Variants in OPCML observed in about 807,000 individuals in gnomAD.
OPCML encodes opioid binding protein/cell adhesion molecule like, also known as opioid-binding protein/cell adhesion molecule.
In OPCML, 13 loss-of-function variants were observed where a neutral mutation model predicts 37.8. That is an observed-to-expected ratio of 0.34 (90% CI 0.22 to 0.55). The LOEUF is 0.55. Ranked by LOEUF, OPCML falls within the 20% of genes least tolerant of loss-of-function variation. OPCML has a pLI of 0.91. For missense variants in OPCML, 341 were observed against 435.6 expected, an observed-to-expected ratio of 0.78 and a Z score of 1.93; for synonymous variants, 176 against 168.8, an observed-to-expected ratio of 1.04 and a Z score of -0.33.
At chr11:133,323,548 T>C (rs1565571813) in intron 1 of OPCML, among the ~76,000 whole-genome samples, 1 of 152,268 alleles carries the variant, frequency 6.6e-6, no homozygotes, top group East Asian at 1.9e-4. Flanking sequence ...ACAGTTCTTG[T>C]GGGTCATGCT....
intron 1 of OPCML, among the ~76,000 whole-genome samples, chr11:133,256,689 A>G (rs1941320979): frequency 6.6e-6 from 1 of 152,256 alleles, no homozygotes; most frequent in South Asian, 2.1e-4. Flanking sequence ...CTGTCAAAAA[A>G]GTTCCTTTAA....
Position 133,500,472 on chromosome 11 carries a change from A to G in OPCML, c.61+31792T>C, listed in dbSNP as rs752713720. Among the ~76,000 whole-genome samples, 53 of 152,376 alleles carry G rather than the reference A, an allele frequency of 3.5e-4. No homozygotes were observed. In the Middle Eastern group the frequency reaches 0.014, roughly 39 times the overall value. Reference sequence around the variant, plus strand: ...AATACTCCAATGTCATTTCACTGACATAATGCCTTCTCCTGGCACTGCGTA... The same window carrying G: ...AATACTCCAATGTCATTTCACTGACGTAATGCCTTCTCCTGGCACTGCGTA... On this transcript the variant is annotated intron_variant, in intron 1 of 7. Transcript: ENST00000524381.
At chr11:133,118,446 G>A in intron 1 of OPCML, 1 of 983,826 alleles carries the variant, frequency 1.0e-6, no homozygotes, top group Non-Finnish European at 1.2e-6. Context: ...CCTGATTAAA[G>A]TGGACTGAAA....
At chr11:133,017,028 T>C (rs1313103970) in intron 1 of OPCML, among the ~76,000 whole-genome samples, 1 of 152,202 alleles carries the variant, frequency 6.6e-6, no homozygotes, top group East Asian at 1.9e-4. Context: ...ACAATAAACA[T>C]TGATTTTTCA....
intron 1 of OPCML, among the ~76,000 whole-genome samples, chr11:133,182,759 G>C (rs376333901): frequency 3.3e-5 from 5 of 152,156 alleles, no homozygotes; most frequent in Non-Finnish European, 7.3e-5. Context: ...GATGAGTTTC[G>C]CAAGGCTTCA....
At chr11:133,249,188 C>T (rs1311518004) in intron 1 of OPCML, among the ~76,000 whole-genome samples, 3 of 152,152 alleles carry the variant, frequency 2.0e-5, no homozygotes, top group South Asian at 4.1e-4. Context: ...ATTCTACAGG[C>T]TGTACTAGGA....
chr11:132,972,347 G>A (rs1463619982), intron 1 of OPCML, among the ~76,000 whole-genome samples: 1 of 151,738 alleles, frequency 6.6e-6, no homozygotes, highest in Non-Finnish European at 1.5e-5. Flanking sequence ...ACAAGTTGCG[G>A]TGTATTCTGG....
intron 2 of OPCML, among the ~76,000 whole-genome samples, chr11:132,698,040 A>T: frequency 7.0e-6 from 1 of 143,302 alleles, no homozygotes; most frequent in African/African-American, 2.6e-5. Flanking sequence ...TAGAGATGGG[A>T]TCTCTTCTTG....
At chr11:133,004,281 A>T (rs1260202072) in intron 1 of OPCML, 3 of 985,304 alleles carry the variant, frequency 3.0e-6, no homozygotes, top group Non-Finnish European at 3.6e-6. Context: ...GAGGAAAGCA[A>T]ATGTGATTTT....
At chr11:133,133,475 G>A (rs1008104604) in intron 1 of OPCML, among the ~76,000 whole-genome samples, 1 of 152,114 alleles carries the variant, frequency 6.6e-6, no homozygotes, top group Non-Finnish European at 1.5e-5. Context: ...CCTTCGGGCT[G>A]CTCATCATTT....
chr11:132,557,958 G>C (rs907987041), intron 3 of OPCML, among the ~76,000 whole-genome samples: 1 of 152,076 alleles, frequency 6.6e-6, no homozygotes, highest in Non-Finnish European at 1.5e-5. Flanking sequence ...TCTTCTATCA[G>C]GTGGAACAAA....
At chr11:133,493,544 C>T (rs1385083250) in intron 1 of OPCML, among the ~76,000 whole-genome samples, 1 of 152,060 alleles carries the variant, frequency 6.6e-6, no homozygotes, top group Non-Finnish European at 1.5e-5. Flanking sequence ...AACATCTTTT[C>T]TTAATAACCA....
chr11:133,286,706 A>G (rs532315086), intron 1 of OPCML, among the ~76,000 whole-genome samples: 1 of 152,306 alleles, frequency 6.6e-6, no homozygotes, highest in East Asian at 1.9e-4. Context: ...ACTAACCTCA[A>G]GAATGTGGAG....
chr11:132,971,005 A>G (rs1012512083), intron 1 of OPCML, among the ~76,000 whole-genome samples: 1 of 152,172 alleles, frequency 6.6e-6, no homozygotes, highest in Non-Finnish European at 1.5e-5. Context: ...CCTTGGCTAC[A>G]GTGGCAGAGT....
chr11:133,504,216 TA>T (rs1947979933), intron 1 of OPCML, among the ~76,000 whole-genome samples: 2 of 152,204 alleles, frequency 1.3e-5, no homozygotes, highest in African/African-American at 4.8e-5. Flanking sequence ...CCAAATCCCC[TA>T]AAACACTTTC....
intron 2 of OPCML, among the ~76,000 whole-genome samples, chr11:132,663,871 C>A (rs543067578): frequency 1.1e-4 from 16 of 152,140 alleles, no homozygotes; most frequent in Non-Finnish European, 2.4e-4. Context: ...CTCACTCTGT[C>A]GCCCAGGCTT....
At position 133,208,073 on chromosome 11, in the gene OPCML, T is replaced by A. The variant is rs1306867720; in HGVS notation, c.62-265063A>T. 1.3e-5 allele frequency among the ~76,000 whole-genome samples: 2 copies of A among 152,160 alleles called. No homozygotes were observed. The highest frequency in any genetic ancestry group is 2.9e-5 in the Non-Finnish European group (2 of 68,038). Reference sequence around the variant, plus strand: ...AAGAGCTCCTTACTCTGAGCTCCCATAGCATTATTTTTTTCTCTCTTCAGA... The same window carrying A: ...AAGAGCTCCTTACTCTGAGCTCCCAAAGCATTATTTTTTTCTCTCTTCAGA... On this transcript the variant is annotated intron_variant, in intron 1 of 7. Transcript: ENST00000524381. This position sits in a 1 kb window ranked among gnomAD's most constrained non-coding sequence, Gnocchi z 8.9.
chr11:132,701,347 C>T (rs895391280), intron 2 of OPCML, among the ~76,000 whole-genome samples: 1 of 152,134 alleles, frequency 6.6e-6, no homozygotes. Flanking sequence ...GGACTTATTG[C>T]AATTCAAGGT....
chr11:132,892,634 G>C (rs1167995784), intron 2 of OPCML, among the ~76,000 whole-genome samples: 1 of 152,146 alleles, frequency 6.6e-6, no homozygotes, highest in African/African-American at 2.4e-5. Flanking sequence ...GGGCCTGGTG[G>C]TGGGTGCCTC....
Sources: allele counts gnomAD v4.1 joint callset (sites outside exome capture counted in the v4.1 genomes callset), GRCh38; gene constraint gnomAD v4.1.1; non-coding constraint Gnocchi (gnomAD v3.1); transcripts MANE v1.5; gene names NCBI Gene and HGNC (gene_info 2026-07-23, HGNC 2026-07-21).